GREM2: variants seen among roughly 807,000 people sequenced by gnomAD.
The protein encoded by GREM2 is gremlin 2, DAN family BMP antagonist.
In GREM2, 11 loss-of-function variants were observed where a neutral mutation model predicts 14.2. The ratio of observed to expected loss-of-function variants is 0.78; its 90% confidence interval spans 0.49 to 1.28. GREM2 has a LOEUF of 1.28. Ranked by LOEUF, GREM2 falls within the 50% of genes most tolerant of loss-of-function variation. The pLI is 0.00. For missense variants in GREM2, 210 were observed against 218.5 expected, an observed-to-expected ratio of 0.96 and a Z score of 0.24; for synonymous variants, 98 against 97.6, an observed-to-expected ratio of 1.00 and a Z score of -0.02.
At chr1:240,503,608 A>G (rs1357512576) in intron 1 of GREM2, among the ~76,000 whole-genome samples, 1 of 152,006 alleles carries the variant, frequency 6.6e-6, no homozygotes, top group East Asian at 1.9e-4. Flanking sequence ...TTTACCTTAC[A>G]CCTTATGCTT....
intron 1 of GREM2, chr1:240,531,560 A>G (rs1405941284): frequency 1.2e-6 from 1 of 823,092 alleles, no homozygotes; most frequent in African/African-American, 1.8e-5. Context: ...AAGCTTCCCA[A>G]ACAAAGGAAA....
intron 1 of GREM2, among the ~76,000 whole-genome samples, chr1:240,600,143 G>A (rs1026769905): frequency 3.2e-4 from 48 of 152,170 alleles, no homozygotes; most frequent in African/African-American, 9.4e-4. Flanking sequence ...ACCTGGGTTC[G>A]AGTGCTAATT....
intron 1 of GREM2, among the ~76,000 whole-genome samples, chr1:240,536,545 G>C (rs149335937): frequency 2.4e-4 from 37 of 152,364 alleles, no homozygotes; most frequent in African/African-American, 8.7e-4. Flanking sequence ...GGGGAAACAT[G>C]ACATGTGAAA....
At chr1:240,598,582 A>G (rs894757638) in intron 1 of GREM2, among the ~76,000 whole-genome samples, 2 of 152,214 alleles carry the variant, frequency 1.3e-5, no homozygotes, top group African/African-American at 4.8e-5. Flanking sequence ...CCCCAAGAAT[A>G]GAGCTCAGGA....
At position 240,492,007 on chromosome 1, in the gene GREM2, C is replaced by G. The variant is rs779369360; in HGVS notation, c.*962G>C. Reference sequence around the variant, plus strand: ...AGGTGCATGACAGTGAATTGCTGACCAGGCATTTTTTTTTCTGAGTAAGAC... The same window carrying G: ...AGGTGCATGACAGTGAATTGCTGACGAGGCATTTTTTTTTCTGAGTAAGAC... On this transcript the variant is annotated 3_prime_UTR_variant, in exon 2 of 2. Coordinates refer to ENST00000318160, the MANE Select transcript of GREM2 (RefSeq NM_022469.4). 1 of 190,680 alleles carries G rather than the reference C, an allele frequency of 5.2e-6. No homozygotes were observed. Among genetic ancestry groups the G allele is most frequent in the Non-Finnish European group, 1.1e-5 (1 of 87,570 alleles). The allele number at this position is 190,680 out of a possible 1,614,324, so 11.8% of individuals were successfully genotyped here.
intron 1 of GREM2, among the ~76,000 whole-genome samples, chr1:240,535,602 C>G (rs1489515019): frequency 6.6e-6 from 1 of 151,966 alleles, no homozygotes; most frequent in Non-Finnish European, 1.5e-5. Context: ...GAGTTTGAGA[C>G]CAACCTGGCC....
At position 240,540,244 on chromosome 1, in the gene GREM2, C is replaced by T. The variant is rs1678556767; in HGVS notation, c.-1-46768G>A. ...TAATGACAGAGCCTCCTACACAGCA[C>T]ATTTGCTAGCTTTCTACTAATTGCC... On this transcript the variant is annotated intron_variant, in intron 1 of 1. Coordinates refer to ENST00000318160, the MANE Select transcript of GREM2 (RefSeq NM_022469.4). The surrounding 1 kb of genome is among the most constrained non-coding windows in gnomAD (Gnocchi z 4.2). 6.6e-6 allele frequency among the ~76,000 whole-genome samples: 1 copy of T among 152,182 alleles called. No individual in the cohort carries two copies. Among genetic ancestry groups the T allele is most frequent in the African/African-American group, 2.4e-5 (1 of 41,438 alleles).
chr1:240,548,844 T>A (rs1177816568), intron 1 of GREM2, among the ~76,000 whole-genome samples: 1 of 152,210 alleles, frequency 6.6e-6, no homozygotes, highest in East Asian at 1.9e-4. Flanking sequence ...GAAAGAAAAC[T>A]TGACGGTAAA....
chr1:240,539,759 G>A (rs1245078067), intron 1 of GREM2, among the ~76,000 whole-genome samples: 8 of 152,096 alleles, frequency 5.3e-5, no homozygotes, highest in Non-Finnish European at 8.8e-5. Flanking sequence ...ATTTTAAACT[G>A]CAATGTTATT....
At chr1:240,508,118 C>G (rs909972283) in intron 1 of GREM2, among the ~76,000 whole-genome samples, 3 of 152,158 alleles carry the variant, frequency 2.0e-5, no homozygotes, top group African/African-American at 7.2e-5. Context: ...CCTCCAAATA[C>G]CTAACTTACT....
intron 1 of GREM2, among the ~76,000 whole-genome samples, chr1:240,557,220 T>TA (rs1678965339): frequency 1.3e-5 from 2 of 149,468 alleles, no homozygotes; most frequent in African/African-American, 2.5e-5. Context: ...ATAAAATACA[T>TA]AAAAAATAAA....
chr1:240,593,803 G>A (rs1284651595), intron 1 of GREM2, among the ~76,000 whole-genome samples: 1 of 151,974 alleles, frequency 6.6e-6, no homozygotes, highest in Non-Finnish European at 1.5e-5. Context: ...GGGCTGACAC[G>A]ACCTTAGTGG....
At chr1:240,561,693 TACACACAC>T (rs541661990) in intron 1 of GREM2, among the ~76,000 whole-genome samples, 442 of 145,718 alleles carry the variant, frequency 3.0e-3, no homozygotes, top group African/African-American at 0.01. Flanking sequence ...TAATCCTGCA[TACACACAC>T]ACACACACAC....
intron 1 of GREM2, among the ~76,000 whole-genome samples, chr1:240,524,094 G>A (rs1422317116): frequency 6.6e-6 from 1 of 152,138 alleles, no homozygotes; most frequent in Non-Finnish European, 1.5e-5. Context: ...ATAGCTCACT[G>A]CAACCTCAAA....
rs1273406180 is a variant in GREM2, at chr1:240,493,515, C to T, written c.-1-39G>A. 6 of 1,540,146 alleles carry T rather than the reference C, an allele frequency of 3.9e-6. No individual in the cohort carries two copies. In the East Asian group the frequency reaches 9.3e-5, roughly 24 times the overall value. On this transcript the variant is annotated intron_variant, in intron 1 of 1. Transcript: ENST00000318160. ...AAGAGAGGGGCTGGCTGTGAAGGGC[C>T]GTAGAGTACGGGATCAATCTTACTT...
intron 1 of GREM2, among the ~76,000 whole-genome samples, chr1:240,547,301 C>A (rs113665477): frequency 0.011 from 1,626 of 151,784 alleles, 34 homozygotes; most frequent in African/African-American, 0.036. Flanking sequence ...GAGATCAAGA[C>A]CATCCTGGCT....
chr1:240,523,156 G>C (rs1324569832), intron 1 of GREM2, among the ~76,000 whole-genome samples: 1 of 152,112 alleles, frequency 6.6e-6, no homozygotes, highest in Non-Finnish European at 1.5e-5. Context: ...GCATTGGCAC[G>C]ATCTCAGCTC....
chr1:240,553,493 A>G (rs1160784769), intron 1 of GREM2, among the ~76,000 whole-genome samples: 3 of 152,230 alleles, frequency 2.0e-5, no homozygotes, highest in Non-Finnish European at 4.4e-5. Flanking sequence ...AGCATGAAAT[A>G]TGGATGTTGA....
intron 1 of GREM2, among the ~76,000 whole-genome samples, chr1:240,525,567 C>A (rs771779583): frequency 2.0e-5 from 3 of 152,080 alleles, no homozygotes; most frequent in Non-Finnish European, 4.4e-5. Flanking sequence ...CAACCTCCGC[C>A]TCCCGGGTTC....
Sources: gnomAD v4.1 joint callset for allele counts (sites outside exome capture counted in the v4.1 genomes callset) on GRCh38, gnomAD v4.1.1 for gene constraint, Gnocchi (gnomAD v3.1) non-coding constraint, MANE v1.5 for transcripts, NCBI Gene and HGNC (gene_info 2026-07-23, HGNC 2026-07-21) for gene names.